CACNA2D3: variants seen among roughly 807,000 people sequenced by gnomAD.
CACNA2D3 encodes calcium voltage-gated channel auxiliary subunit alpha2delta 3.
A neutral mutation model predicts 160.6 loss-of-function variants in CACNA2D3; 60 were observed. The ratio of observed to expected loss-of-function variants is 0.37; its 90% CI spans 0.30 to 0.46. CACNA2D3 has a LOEUF of 0.46. Ranked by LOEUF, CACNA2D3 falls within the 20% of genes least tolerant of loss-of-function variation. CACNA2D3 has a pLI of 1.00. For missense variants in CACNA2D3, 1,205 were observed against 1,365.0 expected, an observed-to-expected ratio of 0.88 and a Z score of 1.85; for synonymous variants, 558 against 492.9, an observed-to-expected ratio of 1.13 and a Z score of -1.75.
intron 9 of CACNA2D3, among the ~76,000 whole-genome samples, chr3:54,601,665 A>G (rs1374026858): frequency 1.3e-5 from 2 of 152,018 alleles, no homozygotes; most frequent in East Asian, 3.9e-4. Context: ...GGGATCTAAC[A>G]CAACCCCAAA....
At chr3:54,806,410 C>T (rs1340832085) in intron 13 of CACNA2D3, among the ~76,000 whole-genome samples, 5 of 152,102 alleles carry the variant, frequency 3.3e-5, no homozygotes, top group East Asian at 1.9e-4. Context: ...ACACCAATAG[C>T]GGACAAACAG....
At chr3:54,990,570 C>G (rs960268145) in intron 31 of CACNA2D3, among the ~76,000 whole-genome samples, 1 of 152,098 alleles carries the variant, frequency 6.6e-6, no homozygotes, top group African/African-American at 2.4e-5. Flanking sequence ...AAGTTTCATG[C>G]ACAAGAACTC....
intron 4 of CACNA2D3, among the ~76,000 whole-genome samples, chr3:54,421,065 C>T (rs1559476830): frequency 6.6e-6 from 1 of 152,174 alleles, no homozygotes; most frequent in African/African-American, 2.4e-5. Flanking sequence ...TTCCTAGTCA[C>T]CCTCTACAAT....
chr3:54,515,571 T>C (rs1012512112), intron 5 of CACNA2D3, among the ~76,000 whole-genome samples: 1 of 152,350 alleles, frequency 6.6e-6, no homozygotes, highest in African/African-American at 2.4e-5. Context: ...GTAAGTTGTT[T>C]CTGGCAGTCA....
intron 32 of CACNA2D3, among the ~76,000 whole-genome samples, chr3:55,006,712 T>C (rs1703102264): frequency 6.6e-6 from 1 of 152,174 alleles, no homozygotes; most frequent in Non-Finnish European, 1.5e-5. Flanking sequence ...GTTGTTGTTG[T>C]TGTTGTTCTG....
intron 27 of CACNA2D3, among the ~76,000 whole-genome samples, chr3:54,966,177 A>G (rs546859090): frequency 7.8e-4 from 118 of 152,146 alleles, no homozygotes; most frequent in Non-Finnish European, 1.5e-3. Context: ...TGGAAGCTCA[A>G]GAGATGACAG....
At chr3:54,403,356 AACACACACACACACACACAC>A (rs55779518) in intron 4 of CACNA2D3, among the ~76,000 whole-genome samples, 3 of 137,600 alleles carry the variant, frequency 2.2e-5, no homozygotes, top group African/African-American at 2.8e-5. Flanking sequence ...CCCTATCTCA[AACACACACACACACACACAC>A]ACACACACAC....
chr3:54,174,739 A>T (rs776710304), intron 2 of CACNA2D3, among the ~76,000 whole-genome samples: 1 of 152,134 alleles, frequency 6.6e-6, no homozygotes, highest in African/African-American at 2.4e-5. Flanking sequence ...GTTAGCCAGG[A>T]TGGTTTCGAT....
intron 11 of CACNA2D3, among the ~76,000 whole-genome samples, chr3:54,661,842 GTGTA>G (rs1479057185): frequency 0.064 from 1,157 of 18,032 alleles, 10 homozygotes; most frequent in Middle Eastern, 0.12. Flanking sequence ...TCAGGGATGT[GTGTA>G]TGTGTGTGTG....
chr3:54,827,886 G>A (rs1324993346), intron 14 of CACNA2D3, among the ~76,000 whole-genome samples: 2 of 152,212 alleles, frequency 1.3e-5, no homozygotes. Flanking sequence ...TGGATGAAAA[G>A]AGGAATCTTT....
intron 21 of CACNA2D3, among the ~76,000 whole-genome samples, chr3:54,884,632 G>T (rs1350079626): frequency 6.6e-6 from 1 of 152,176 alleles, no homozygotes; most frequent in East Asian, 1.9e-4. Context: ...GCAGAGTTAG[G>T]ATGGTCTGGA....
chr3:54,186,835 G>A (rs1700887110), intron 2 of CACNA2D3, among the ~76,000 whole-genome samples: 1 of 152,136 alleles, frequency 6.6e-6, no homozygotes, highest in Non-Finnish European at 1.5e-5. Flanking sequence ...CCAACGGCAG[G>A]CCTCTCCATC....
At chr3:55,033,001 T>C (rs890365692) in intron 35 of CACNA2D3, among the ~76,000 whole-genome samples, 2 of 152,068 alleles carry the variant, frequency 1.3e-5, no homozygotes, top group Non-Finnish European at 2.9e-5. Flanking sequence ...ACACCTGTTA[T>C]TTTGTGTGAT....
chr3:54,528,450 A>C (rs201423673), intron 5 of CACNA2D3, among the ~76,000 whole-genome samples: 6 of 19,104 alleles, frequency 3.1e-4, no homozygotes, highest in African/African-American at 5.4e-4. Context: ...TTATTCTTCA[A>C]TTCTAACCAC....
At chr3:54,530,765 G>A (rs1289448629) in intron 5 of CACNA2D3, among the ~76,000 whole-genome samples, 3 of 152,112 alleles carry the variant, frequency 2.0e-5, no homozygotes, top group East Asian at 1.9e-4. Flanking sequence ...CAGCCCATTC[G>A]TATGCTCAAC....
At chr3:55,043,091 C>T (rs1168304823) in intron 35 of CACNA2D3, among the ~76,000 whole-genome samples, 1 of 152,094 alleles carries the variant, frequency 6.6e-6, no homozygotes, top group Non-Finnish European at 1.5e-5. Flanking sequence ...TTTGTATGAA[C>T]ATAAGGTTGT....
intron 4 of CACNA2D3, among the ~76,000 whole-genome samples, chr3:54,495,969 T>C (rs1036603239): frequency 7.9e-5 from 12 of 152,374 alleles, no homozygotes; most frequent in African/African-American, 2.6e-4. Context: ...GTGAGATTCA[T>C]TGATACTTTG....
intron 13 of CACNA2D3, among the ~76,000 whole-genome samples, chr3:54,785,501 A>G (rs1702621926): frequency 1.3e-5 from 2 of 152,186 alleles, no homozygotes; most frequent in African/African-American, 4.8e-5. Context: ...GTTAAGAACT[A>G]TGGGAACAGA....
intron 8 of CACNA2D3, among the ~76,000 whole-genome samples, chr3:54,580,804 C>T (rs894905609): frequency 2.0e-5 from 3 of 152,174 alleles, no homozygotes; most frequent in Non-Finnish European, 2.9e-5. Flanking sequence ...GAGCCTGCTT[C>T]CCAGAGGAGG....
Sources: gnomAD v4.1 joint callset for allele counts (sites outside exome capture counted in the v4.1 genomes callset) on GRCh38, gnomAD v4.1.1 for gene constraint, MANE v1.5 for transcripts, NCBI Gene and HGNC (gene_info 2026-07-23, HGNC 2026-07-21) for gene names.